Variants in ZNF875 observed in about 807,000 individuals in gnomAD.
ZNF875 encodes the protein HKR1, GLI-Kruppel zinc finger family member.
A neutral mutation model predicts 11.2 loss-of-function variants in ZNF875; 14 were observed. That is an observed-to-expected ratio of 1.26 (90% CI 0.83 to 1.96). The LOEUF is 1.96. ZNF875 is among the 30% of genes most tolerant of loss of function. The pLI, the probability that ZNF875 is intolerant of heterozygous loss-of-function variation, is 0.00. For synonymous variants in ZNF875, 301 were observed against 281.1 expected (o/e 1.07, Z -0.71); for missense variants, 752 against 760.4 (o/e 0.99, Z 0.13).
upstream of ZNF875, chr19:37,313,205 G>GC (rs2030036025): frequency 6.8e-6 from 1 of 146,828 alleles, no homozygotes; most frequent in Admixed American, 6.9e-5. Context: ...AGACAACCCC[G>GC]CCCCCCGCGA....
chr19:37,341,287 A>G (rs2035670745), intron 2 of ZNF875, among the ~76,000 whole-genome samples: 2 of 152,230 alleles, frequency 1.3e-5, no homozygotes, highest in Non-Finnish European at 2.9e-5. Context: ...ATAATTTGGT[A>G]GGTTCATATT....
At chr19:37,319,990 C>G (rs1380529708) in intron 1 of ZNF875, among the ~76,000 whole-genome samples, 1 of 152,146 alleles carries the variant, frequency 6.6e-6, no homozygotes, top group Non-Finnish European at 1.5e-5. Flanking sequence ...GGGGTCACGC[C>G]ATTCTCCTGC....
intron 4 of ZNF875, among the ~76,000 whole-genome samples, chr19:37,329,272 A>G (rs2033014740): frequency 6.6e-6 from 1 of 152,052 alleles, no homozygotes; most frequent in South Asian, 2.1e-4. Context: ...CGCACCACCC[A>G]GCTTGGGTAT....
intron 4 of ZNF875, among the ~76,000 whole-genome samples, chr19:37,327,537 G>A (rs2032683880): frequency 6.6e-6 from 1 of 151,910 alleles, no homozygotes; most frequent in African/African-American, 2.4e-5. Context: ...GGAGGCCGAG[G>A]CGGGCAGATC....
rs565761273 is a variant in ZNF875, at chr19:37,337,015, G to A, written c.33+1758G>A. Reference sequence around the variant, plus strand: ...TCTGACCTGAATTTTACATTTGAGAGCACTTTCAGCTTCTGGCAATTGGGA... The same window carrying A: ...TCTGACCTGAATTTTACATTTGAGAACACTTTCAGCTTCTGGCAATTGGGA... On this transcript the variant is annotated intron_variant, in intron 2 of 4. Coordinates refer to ENST00000392153, the MANE Select transcript of ZNF875 (RefSeq NM_001353803.2). 2.0e-5 allele frequency among the ~76,000 whole-genome samples: 3 copies of A among 152,322 alleles called. No homozygotes were observed. The East Asian group carries it at 5.8e-4, about 29-fold the overall frequency.
At chr19:37,359,672 G>C in intron 4 of ZNF875, 1 of 213,906 alleles carries the variant, frequency 4.7e-6, no homozygotes, top group Non-Finnish European at 9.5e-6. Flanking sequence ...AAAGTGCTGG[G>C]ATTACAGGCA....
At chr19:37,338,451 C>T (rs2034983162) in intron 2 of ZNF875, among the ~76,000 whole-genome samples, 1 of 152,176 alleles carries the variant, frequency 6.6e-6, no homozygotes, top group Non-Finnish European at 1.5e-5. Context: ...TCACCACTCC[C>T]AGTGTTACCA....
upstream of ZNF875, among the ~76,000 whole-genome samples, chr19:37,333,553 T>C (rs2033731609): frequency 6.6e-6 from 1 of 152,150 alleles, no homozygotes; most frequent in South Asian, 2.1e-4. Flanking sequence ...GATTTACAAA[T>C]AATCTTTGAA....
chr19:37,359,521 A>C (rs2039545517), intron 4 of ZNF875: 1 of 259,186 alleles, frequency 3.9e-6, no homozygotes, highest in Admixed American at 5.1e-5. Flanking sequence ...CCCCTGCCTC[A>C]GCCTCCTGAG....
At chr19:37,340,404 G>T (rs1039329506) in intron 2 of ZNF875, among the ~76,000 whole-genome samples, 14 of 152,132 alleles carry the variant, frequency 9.2e-5, no homozygotes, top group Non-Finnish European at 1.9e-4. Context: ...ATAGTATCCT[G>T]ATTTGTTTCC....
chr19:37,332,546 A>C (rs1196595360), upstream of ZNF875, among the ~76,000 whole-genome samples: 1 of 152,092 alleles, frequency 6.6e-6, no homozygotes, highest in Non-Finnish European at 1.5e-5. Flanking sequence ...CACTACTTTT[A>C]AGCTGATATA....
intron 4 of ZNF875, among the ~76,000 whole-genome samples, chr19:37,329,343 C>A (rs1237459673): frequency 6.6e-6 from 1 of 152,120 alleles, no homozygotes; most frequent in Non-Finnish European, 1.5e-5. Context: ...GTGGCCCAGG[C>A]TGTGATTTGC....
intron 4 of ZNF875, among the ~76,000 whole-genome samples, chr19:37,348,956 A>C (rs759226893): frequency 6.6e-6 from 1 of 152,170 alleles, no homozygotes; most frequent in Non-Finnish European, 1.5e-5. Context: ...ATTTTCTCAC[A>C]GTTCTGGAGG....
At chr19:37,346,991 AT>A (rs2036907386) in intron 2 of ZNF875, 198 bp from the exon 3 acceptor site, 1 of 546,712 alleles carries the variant, frequency 1.8e-6, no homozygotes. Flanking sequence ...CTAATTTTGT[AT>A]TTTTAGTAGA....
chr19:37,341,736 A>C (rs1205854037), intron 2 of ZNF875, among the ~76,000 whole-genome samples: 5 of 152,206 alleles, frequency 3.3e-5, no homozygotes. Context: ...TTGATTCAAA[A>C]GTCCAGTATC....
intron 2 of ZNF875, among the ~76,000 whole-genome samples, chr19:37,338,379 T>A (rs2034965033): frequency 6.6e-6 from 1 of 152,160 alleles, no homozygotes; most frequent in Non-Finnish European, 1.5e-5. Flanking sequence ...CACCTCTGCC[T>A]CCCAAAGTGC....
chr19:37,334,072 T>C (rs1311754792), upstream of ZNF875, among the ~76,000 whole-genome samples: 4 of 152,158 alleles, frequency 2.6e-5, no homozygotes, highest in Admixed American at 2.0e-4. Flanking sequence ...CCTAAAATCC[T>C]AGGGACACGC....
intron 4 of ZNF875, among the ~76,000 whole-genome samples, chr19:37,352,077 A>G (rs1302973373): frequency 6.6e-6 from 1 of 152,222 alleles, no homozygotes. Flanking sequence ...TACAGTTAGT[A>G]ATTTTGCTAT....
At chr19:37,325,507 T>G (rs1482703068) in intron 4 of ZNF875, among the ~76,000 whole-genome samples, 2 of 152,176 alleles carry the variant, frequency 1.3e-5, no homozygotes, top group Admixed American at 6.5e-5. Flanking sequence ...AAAATATCAC[T>G]TCAACATCTT....
Sources: gnomAD v4.1 joint callset for allele counts (sites outside exome capture counted in the v4.1 genomes callset) on GRCh38, gnomAD v4.1.1 for gene constraint, MANE v1.5 for transcripts, NCBI Gene and HGNC (gene_info 2026-07-23, HGNC 2026-07-21) for gene names.